PPP1R12A: variants seen among roughly 807,000 people sequenced by gnomAD.
The protein encoded by PPP1R12A is protein phosphatase 1 regulatory subunit 12A.
Under a neutral mutation model 139.6 loss-of-function variants are expected in PPP1R12A, and 19 were observed. The ratio of observed to expected loss-of-function variants is 0.14; its 90% CI spans 0.09 to 0.20. PPP1R12A has a LOEUF of 0.20. Among genes scored for constraint, PPP1R12A ranks in the 10% least tolerant of loss-of-function variants. The pLI is 1.00. For synonymous variants in PPP1R12A, 427 were observed against 420.6 expected (o/e 1.02, Z -0.19); for missense variants, 925 against 1,211.5 (o/e 0.76, Z 3.51).
In PPP1R12A at chr12:79,809,214, T is replaced by G. The variant is rs572996602; in HGVS notation, c.1455+581A>C. ...TGATATAAGGAAACATTTCTAAGTA[T>G]AGAAAGAAAACTGTATGGGCAAAAA... On this transcript the variant is annotated intron_variant, in intron 10 of 24. Transcript: ENST00000450142. Among the ~76,000 whole-genome samples the G allele has an allele frequency of 2.1e-3, 316 of 152,166 alleles. 1 individual carries two copies. Among genetic ancestry groups the G allele is most frequent in the African/African-American group, 7.1e-3 (297 of 41,546 alleles).
At chr12:79,927,818 A>T (rs1887958259) in intron 1 of PPP1R12A, among the ~76,000 whole-genome samples, 1 of 152,238 alleles carries the variant, frequency 6.6e-6, no homozygotes, top group Non-Finnish European at 1.5e-5. Flanking sequence ...AACTGAGAAT[A>T]AACTTATAAT....
chr12:79,822,793 C>G lies in PPP1R12A; in HGVS notation c.793-603G>C, dbSNP rs569693554. On this transcript the variant is annotated intron_variant, in intron 5 of 24. Coordinates refer to ENST00000450142, the MANE Select transcript of PPP1R12A (RefSeq NM_002480.3). ...GATATATACAGTTTGCTAATCTAGTCATCAGGTGGACATCTGCATTTTTTT... is the reference window on the plus strand; with the variant it reads ...GATATATACAGTTTGCTAATCTAGTGATCAGGTGGACATCTGCATTTTTTT... Among the ~76,000 whole-genome samples, 5 of 147,242 alleles carry G rather than the reference C, an allele frequency of 3.4e-5. No homozygotes were observed. In the South Asian group the frequency reaches 1.1e-3, roughly 31 times the overall value.
At chr12:79,887,777 C>G (rs1462716072) in intron 1 of PPP1R12A, among the ~76,000 whole-genome samples, 1 of 152,036 alleles carries the variant, frequency 6.6e-6, no homozygotes, top group African/African-American at 2.4e-5. Context: ...ACTTAAAAAA[C>G]AAGTTACAAA....
At chr12:79,841,200 A>G (rs1878667704) in intron 3 of PPP1R12A, among the ~76,000 whole-genome samples, 2 of 152,110 alleles carry the variant, frequency 1.3e-5, no homozygotes, top group African/African-American at 4.8e-5. Context: ...AAGCAATGGA[A>G]TTATAGGCAA....
At chr12:79,801,978 A>G (rs925288836) in intron 14 of PPP1R12A, among the ~76,000 whole-genome samples, 1 of 152,196 alleles carries the variant, frequency 6.6e-6, no homozygotes, top group Non-Finnish European at 1.5e-5. Flanking sequence ...GATATAACAG[A>G]TACTATGTTT....
intron 5 of PPP1R12A, chr12:79,825,053 C>T (rs1168392166): frequency 6.6e-6 from 1 of 152,118 alleles, no homozygotes; most frequent in Non-Finnish European, 1.5e-5. Context: ...GAATGATTCT[C>T]ACTGTACAGA....
chr12:79,847,319 A>G (rs1390329666), intron 2 of PPP1R12A, among the ~76,000 whole-genome samples: 1 of 152,198 alleles, frequency 6.6e-6, no homozygotes, highest in Non-Finnish European at 1.5e-5. Flanking sequence ...CCTTCATTTA[A>G]TATTATTCTC....
chr12:79,828,296 T>C (rs1018356771), intron 5 of PPP1R12A, 24 bp downstream of exon 5: 1 of 1,587,758 alleles, frequency 6.3e-7, no homozygotes, highest in Non-Finnish European at 8.6e-7. Flanking sequence ...AGTTAAAGTA[T>C]TAAAATACGT....
Position 79,796,814 on chromosome 12 carries a change from T to C in PPP1R12A, c.2429A>G (p.Tyr810Cys). 6.2e-7 allele frequency: 1 copy of C among 1,610,964 alleles called. No individual in the cohort carries two copies. Among genetic ancestry groups the C allele is most frequent in the Non-Finnish European group, 8.5e-7 (1 of 1,177,868 alleles). ...PNSLVGITSA[Y>C]SRGITKENER... Reference sequence around the variant, plus strand: ...ATTTTCTTTTGTTATTCCTCTGGAGTAAGCAGAAGTTATGCCTACAAGACT... The same window carrying C: ...ATTTTCTTTTGTTATTCCTCTGGAGCAAGCAGAAGTTATGCCTACAAGACT... Residue 810 changes from tyrosine (Y) to cysteine (C), a missense_variant, in exon 17 of 25, where the codon TAC becomes TGC. Around this residue, in one of 4 missense-constraint regions of PPP1R12A, gnomAD observed 315 missense variants for 363.4 expected, o/e 0.87. Coordinates refer to ENST00000450142, the MANE Select transcript of PPP1R12A (RefSeq NM_002480.3).
intron 18 of PPP1R12A, 139 bp from the exon 19 acceptor site, chr12:79,794,067 T>C (rs1246575401): frequency 1.6e-6 from 1 of 624,024 alleles, no homozygotes; most frequent in African/African-American, 1.9e-5. Flanking sequence ...ATGTCTAGGA[T>C]TTTCTTCTAA....
intron 4 of PPP1R12A, among the ~76,000 whole-genome samples, 169 bp from the exon 5 acceptor site, chr12:79,828,633 G>GA (rs1371922485): frequency 6.6e-6 from 1 of 151,936 alleles, no homozygotes. Context: ...GTAATTCTCA[G>GA]AAAAAACTCA....
rs894229027 is a variant in PPP1R12A, at chr12:79,786,366, G to A, written c.2907+8C>T. 6 of 1,499,228 alleles carry A rather than the reference G, an allele frequency of 4.0e-6. No individual in the cohort carries two copies. In the African/African-American group the frequency reaches 4.2e-5, roughly 10 times the overall value. The allele number at this position is 1,499,228 out of a possible 1,614,324, so 92.9% of individuals were successfully genotyped here. ...CCTTGAGAGTAACAAAAAGAAAAGG[G>A]TACAAACCTGGGTGGCCTTTTCCAA... On this transcript the variant is annotated splice_region_variant and intron_variant, in intron 22 of 24. Coordinates refer to ENST00000450142, the MANE Select transcript of PPP1R12A (RefSeq NM_002480.3).
intron 19 of PPP1R12A, among the ~76,000 whole-genome samples, chr12:79,791,517 A>C (rs1871855116): frequency 1.3e-5 from 2 of 152,092 alleles, no homozygotes; most frequent in Non-Finnish European, 2.9e-5. Flanking sequence ...CTGTGGAGAC[A>C]GTGTCTCCCT....
chr12:79,822,278 G>T, intron 5 of PPP1R12A, 88 bp from the exon 6 acceptor site: 1 of 957,906 alleles, frequency 1.0e-6, no homozygotes, highest in African/African-American at 1.7e-5. Flanking sequence ...TTTATATAAA[G>T]ACGTTGGATA....
chr12:79,916,023 A>AGGCCGGGCGG (rs1178709850), intron 1 of PPP1R12A, among the ~76,000 whole-genome samples: 1 of 151,268 alleles, frequency 6.6e-6, no homozygotes, highest in African/African-American at 2.4e-5. Context: ...AGGTCAACAT[A>AGGCCGGGCGG]ACTTGTTTTC....
Position 79,894,776 on chromosome 12 carries a change from T to C in PPP1R12A, c.238-21838A>G, listed in dbSNP as rs541475667. On this transcript the variant is annotated intron_variant, in intron 1 of 24. Coordinates refer to ENST00000450142, the MANE Select transcript of PPP1R12A (RefSeq NM_002480.3). Reference sequence around the variant, plus strand: ...CTCATTATTGCATCAGTTATTACACTCTGCTGTTACACAACAATGTCCTTA... The same window carrying C: ...CTCATTATTGCATCAGTTATTACACCCTGCTGTTACACAACAATGTCCTTA... Among the ~76,000 whole-genome samples, 6 of 152,340 alleles carry C rather than the reference T, an allele frequency of 3.9e-5. No individual in the cohort carries two copies. The South Asian group carries it at 6.2e-4, about 16-fold the overall frequency.
At chr12:79,836,642 T>C (rs1312723524) in intron 3 of PPP1R12A, among the ~76,000 whole-genome samples, 3 of 152,194 alleles carry the variant, frequency 2.0e-5, no homozygotes, top group African/African-American at 4.8e-5. Flanking sequence ...CTTTCTCTTG[T>C]TCTTAAATTT....
chr12:79,934,939 C>G lies in PPP1R12A; in HGVS notation c.-8G>C, dbSNP rs1386825539. On this transcript the variant is annotated 5_prime_UTR_variant, in exon 1 of 25. Coordinates refer to ENST00000450142, the MANE Select transcript of PPP1R12A (RefSeq NM_002480.3). ...CGCGTCCGCCATCTTCATCCCCTCT[C>G]CTGCCGCCGGGTCTTCTTATCGCGA... 4.4e-6 allele frequency: 7 copies of G among 1,580,424 alleles called. No individual in the cohort carries two copies. The East Asian group carries it at 1.6e-4, about 37-fold the overall frequency.
intron 1 of PPP1R12A, among the ~76,000 whole-genome samples, chr12:79,925,653 A>G (rs1190317869): frequency 6.6e-6 from 1 of 152,196 alleles, no homozygotes; most frequent in Non-Finnish European, 1.5e-5. Flanking sequence ...ACAACACATG[A>G]CAATGTGGAA....
Sources: gnomAD v4.1 joint callset for allele counts (sites outside exome capture counted in the v4.1 genomes callset) on GRCh38, gnomAD v4.1.1 for gene constraint, gnomAD v4.1.1 regional missense constraint, MANE v1.5 for transcripts, NCBI Gene and HGNC (gene_info 2026-07-23, HGNC 2026-07-21) for gene names.